The following TMLHE variants were observed in gnomAD, a reference collection of about 807,000 sequenced individuals.
The protein encoded by TMLHE is trimethyllysine dioxygenase, mitochondrial.
A neutral mutation model predicts 25.7 loss-of-function variants in TMLHE; 18 were observed. That is an observed-to-expected ratio of 0.70 (90% CI 0.48 to 1.04). TMLHE has a LOEUF of 1.04. TMLHE is among the 50% of genes least tolerant of loss of function. The pLI, the probability that TMLHE is intolerant of heterozygous loss-of-function variation, is 0.00. For synonymous variants in TMLHE, 105 were observed against 97.0 expected (o/e 1.08, Z -0.49); for missense variants, 236 against 259.0 (o/e 0.91, Z 0.61).
rs1197485360 is a variant in TMLHE at position 155,569,907 on chromosome X, C to G, written c.-1-24630G>C. Among the ~76,000 whole-genome samples the G allele has an allele frequency of 6.2e-4, 35 of 56,776 alleles. 8 individuals are homozygous for G. The highest frequency in any genetic ancestry group is 6.0e-3 in the Admixed American group (29 of 4,872). The allele number at this position is 56,776 out of a possible 115,157, so 49.3% of individuals were successfully genotyped here. A position where few individuals can be genotyped will look rare whatever the true frequency, so the allele number is the denominator to read the frequency against. On this transcript the variant is annotated intron_variant, in intron 1 of 7. Transcript: ENST00000334398. ...TGCCAAATTGTAAATACCATCGAGG[C>G]TAGGAAGAAACTGCATCAACTAACG...
chrX:155,524,479 TCCA>T lies in TMLHE; in HGVS notation c.332_334del (p.Leu111_Asp112delinsHis). Reference sequence around the variant, plus strand: ...ACAAGTGAAAAAGAGTGTGGTCTCATCCAGACGAATGGTCTTTGGCTTGATACA... The same window carrying T: ...ACAAGTGAAAAAGAGTGTGGTCTCATGACGAATGGTCTTTGGCTTGATACA... On this transcript the variant is annotated inframe_deletion, in exon 3 of 8. Coordinates refer to ENST00000334398, the MANE Select transcript of TMLHE (RefSeq NM_018196.4). 1.7e-6 allele frequency: 2 copies of T among 1,200,646 alleles called. No homozygotes were observed. Among genetic ancestry groups the T allele is most frequent in the Non-Finnish European group, 2.2e-6 (2 of 889,945 alleles).
chrX:155,553,118 G>A (rs1557340268), intron 1 of TMLHE, among the ~76,000 whole-genome samples: 1 of 110,471 alleles, frequency 9.1e-6, no homozygotes, highest in South Asian at 3.8e-4. Context: ...AACACATCAC[G>A]TATTTTTCTA....
rs782682401 is a variant in TMLHE at position 155,579,144 on chromosome X, A to G, written c.-2+33648T>C. ...AAAAACATCCCATACTCATGGGTCA[A>G]AAGAATCAATATTGTTAAAATGACC... On this transcript the variant is annotated intron_variant, in intron 1 of 7. Coordinates refer to ENST00000334398, the MANE Select transcript of TMLHE (RefSeq NM_018196.4). Among the ~76,000 whole-genome samples the G allele has an allele frequency of 9.0e-5, 10 of 110,888 alleles. No homozygotes were observed. In the East Asian group the frequency reaches 2.8e-3, roughly 31 times the overall value.
At chrX:155,507,281 C>T (rs1416996795) in intron 5 of TMLHE, 147 bp from the exon 6 acceptor site, 1 of 471,116 alleles carries the variant, frequency 2.1e-6, no homozygotes, top group Non-Finnish European at 3.5e-6. Context: ...TTGTTTTTCT[C>T]TCATAGGCAG....
chrX:155,551,367 C>A (rs1384102090), intron 1 of TMLHE, among the ~76,000 whole-genome samples: 1 of 71,579 alleles, frequency 1.4e-5, no homozygotes, highest in African/African-American at 5.7e-5. Flanking sequence ...CCCCTCCCCC[C>A]ACCCCAAATC....
chrX:155,604,477 T>C, intron 1 of TMLHE, among the ~76,000 whole-genome samples: 1 of 111,730 alleles, frequency 9.0e-6, no homozygotes, highest in Admixed American at 9.4e-5. Flanking sequence ...TCTGCATTTC[T>C]CTGGAGTGGA....
intron 4 of TMLHE, 46 bp from the exon 5 acceptor site, chrX:155,511,838 C>A (rs1246031395): frequency 4.5e-6 from 5 of 1,108,496 alleles, no homozygotes; most frequent in Non-Finnish European, 6.0e-6. Flanking sequence ...TTGAAATGTT[C>A]ATTCTTGTCT....
rs371746377 is a variant in TMLHE, at chrX:155,514,448, T to G, written c.359-183A>C. Among the ~76,000 whole-genome samples the G allele has an allele frequency of 2.7e-4, 30 of 111,081 alleles. No individual in the cohort carries two copies. The East Asian group carries it at 7.4e-3, about 27-fold the overall frequency. ...GAGAAAGAAATATGTGTGGTTTGAG[T>G]GGTATGCATGAATAAATGAATGAAC... On this transcript the variant is annotated intron_variant, in intron 3 of 7. Coordinates refer to ENST00000334398, the MANE Select transcript of TMLHE (RefSeq NM_018196.4).
At chrX:155,586,813 C>G (rs1254681805) in intron 1 of TMLHE, among the ~76,000 whole-genome samples, 3 of 111,590 alleles carry the variant, frequency 2.7e-5, no homozygotes, top group African/African-American at 9.8e-5. Context: ...AAAGTTGAGT[C>G]AGGAGGAAAT....
At chrX:155,609,846 A>C (rs924442728) in intron 1 of TMLHE, among the ~76,000 whole-genome samples, 35 of 112,427 alleles carry the variant, frequency 3.1e-4, no homozygotes, top group African/African-American at 1.1e-3. Flanking sequence ...ACCCTCAAGA[A>C]TAGCTACACA....
rs192917611 is a variant in TMLHE, at chrX:155,515,383, T to C, written c.359-1118A>G. ...CAAGATTTACCTAACCCATCTGTTATTCTGGGTATGTACATTTATTTTTAA... is the reference window on the plus strand; with the variant it reads ...CAAGATTTACCTAACCCATCTGTTACTCTGGGTATGTACATTTATTTTTAA... On this transcript the variant is annotated intron_variant, in intron 3 of 7. Coordinates refer to ENST00000334398, the MANE Select transcript of TMLHE (RefSeq NM_018196.4). 6.9e-3 allele frequency among the ~76,000 whole-genome samples: 767 copies of C among 110,534 alleles called. 4 individuals are homozygous for C. The highest frequency in any genetic ancestry group is 0.024 in the African/African-American group (726 of 30,660).
intron 1 of TMLHE, among the ~76,000 whole-genome samples, chrX:155,578,385 A>T (rs1388780715): frequency 9.0e-6 from 1 of 111,569 alleles, no homozygotes; most frequent in Non-Finnish European, 1.9e-5. Context: ...CAAGTATGCT[A>T]TCCAGAGGCC....
chrX:155,609,632 C>A (rs1557348152), intron 1 of TMLHE, among the ~76,000 whole-genome samples: 1 of 111,973 alleles, frequency 8.9e-6, no homozygotes, highest in African/African-American at 3.2e-5. Context: ...TATTTTCAAA[C>A]TACATATCTG....
chrX:155,545,705 T>C (rs2067340255), intron 1 of TMLHE, among the ~76,000 whole-genome samples: 1 of 112,051 alleles, frequency 8.9e-6, no homozygotes, highest in African/African-American at 3.2e-5. Flanking sequence ...TTTCTATGTT[T>C]AGATGTGTTT....
intron 1 of TMLHE, among the ~76,000 whole-genome samples, chrX:155,586,311 A>G (rs1387596311): frequency 9.0e-6 from 1 of 111,255 alleles, no homozygotes; most frequent in Non-Finnish European, 1.9e-5. Flanking sequence ...AGAGCAAAAA[A>G]TTTCCTGAAA....
intron 1 of TMLHE, among the ~76,000 whole-genome samples, chrX:155,556,641 G>A (rs6567765): frequency 1.3e-3 from 138 of 108,014 alleles, no homozygotes; most frequent in African/African-American, 4.4e-3. Context: ...ACCACAGGAC[G>A]GAAGCGAAAT....
intron 1 of TMLHE, among the ~76,000 whole-genome samples, chrX:155,599,014 T>C (rs1557346904): frequency 9.0e-6 from 1 of 111,250 alleles, no homozygotes; most frequent in East Asian, 2.8e-4. Flanking sequence ...CCCCTCCTAG[T>C]CCTCCTCCTT....
At chrX:155,554,696 C>T (rs191778123) in intron 1 of TMLHE, among the ~76,000 whole-genome samples, 1 of 109,562 alleles carries the variant, frequency 9.1e-6, no homozygotes, top group Non-Finnish European at 1.9e-5. Flanking sequence ...AGATGACCTC[C>T]AGTTACCCTT....
chrX:155,523,684 A>T (rs1199559704), intron 3 of TMLHE, among the ~76,000 whole-genome samples: 3 of 111,490 alleles, frequency 2.7e-5, no homozygotes, highest in African/African-American at 6.5e-5. Context: ...TTATAATTAT[A>T]AAAAAAATCT....
Sources: allele counts gnomAD v4.1 joint callset (sites outside exome capture counted in the v4.1 genomes callset), GRCh38; gene constraint gnomAD v4.1.1; transcripts MANE v1.5; gene names NCBI Gene and HGNC (gene_info 2026-07-23, HGNC 2026-07-21).